Variants in TMEM132D observed in about 807,000 individuals in gnomAD.
TMEM132D encodes the protein mature OL transmembrane protein.
In TMEM132D, 21 loss-of-function variants were observed where a neutral mutation model predicts 62.3. The observed-to-expected ratio is 0.34, with a 90% CI of 0.24 to 0.49. The LOEUF is 0.49. Ranked by LOEUF, TMEM132D falls within the 20% of genes least tolerant of loss-of-function variation. TMEM132D has a pLI of 0.99. For missense variants in TMEM132D, 1,346 were observed against 1,402.8 expected, an observed-to-expected ratio of 0.96 and a Z score of 0.65; for synonymous variants, 621 against 575.6, an observed-to-expected ratio of 1.08 and a Z score of -1.13.
At chr12:129,163,584 G>A (rs1877459243) in intron 5 of TMEM132D, among the ~76,000 whole-genome samples, 1 of 152,180 alleles carries the variant, frequency 6.6e-6, no homozygotes, top group Admixed American at 6.5e-5. Flanking sequence ...GCAGTGGTGG[G>A]TGCCTCTAAT....
chr12:129,082,178 G>T, intron 6 of TMEM132D, 146 bp from the exon 7 acceptor site: 1 of 993,656 alleles, frequency 1.0e-6, no homozygotes, highest in Non-Finnish European at 1.4e-6. Context: ...GTGAACTTCA[G>T]ATACTAACCA....
At chr12:129,095,372 C>T (rs569264600) in intron 5 of TMEM132D, among the ~76,000 whole-genome samples, 9 of 90,246 alleles carry the variant, frequency 1.0e-4, no homozygotes, top group South Asian at 4.4e-4. Flanking sequence ...TTTTTTGAGA[C>T]GGAGTCTCAC....
At chr12:129,868,631 T>C (rs1202204858) in intron 1 of TMEM132D, among the ~76,000 whole-genome samples, 1 of 152,196 alleles carries the variant, frequency 6.6e-6, no homozygotes, top group Non-Finnish European at 1.5e-5. Flanking sequence ...CCTGTACCCC[T>C]GTAAGCAGGT....
intron 2 of TMEM132D, among the ~76,000 whole-genome samples, chr12:129,593,962 C>A (rs1878265333): frequency 6.6e-6 from 1 of 152,150 alleles, no homozygotes; most frequent in African/African-American, 2.4e-5. Flanking sequence ...TATTAGGCAA[C>A]CCCCTGTTAT....
At chr12:129,741,499 C>A (rs1199737135) in intron 1 of TMEM132D, among the ~76,000 whole-genome samples, 1 of 152,152 alleles carries the variant, frequency 6.6e-6, no homozygotes, top group Non-Finnish European at 1.5e-5. Context: ...ATAACAGGGT[C>A]TTGAGAGACT....
intron 4 of TMEM132D, among the ~76,000 whole-genome samples, chr12:129,239,596 T>C (rs12299785): frequency 3.3e-5 from 5 of 152,080 alleles, no homozygotes; most frequent in Admixed American, 1.3e-4. Flanking sequence ...CTGCTGCCCA[T>C]ATAAGAAGAG....
Position 129,719,123 on chromosome 12 carries a change from G to T in TMEM132D, c.80-18425C>A, listed in dbSNP as rs368113140. Among the ~76,000 whole-genome samples the T allele has an allele frequency of 3.3e-3, 498 of 150,854 alleles. 2 individuals carry two copies. The highest frequency in any genetic ancestry group is 0.012 in the African/African-American group (483 of 41,112). ...AAGAAAAAAAGCTGGGTGTAGTGGC[G>T]CATTCCTGTACCTGTAGTCCCAGCT... On this transcript the variant is annotated intron_variant, in intron 1 of 8. Transcript: ENST00000422113.
chr12:129,556,476 TC>T (rs1237605786), intron 2 of TMEM132D, among the ~76,000 whole-genome samples: 1 of 150,866 alleles, frequency 6.6e-6, no homozygotes, highest in African/African-American at 2.5e-5. Context: ...CTTTTTTTTT[TC>T]CCCCAGAGGT....
intron 1 of TMEM132D, among the ~76,000 whole-genome samples, chr12:129,722,394 A>G (rs1593135300): frequency 6.6e-6 from 1 of 152,166 alleles, no homozygotes; most frequent in African/African-American, 2.4e-5. Context: ...CCCCCGTCAC[A>G]TCGGTGTGAA....
At chr12:129,708,063 A>C (rs1881547765) in intron 1 of TMEM132D, among the ~76,000 whole-genome samples, 1 of 152,074 alleles carries the variant, frequency 6.6e-6, no homozygotes, top group African/African-American at 2.4e-5. Context: ...CTAAAAACAC[A>C]AAGATCAGCT....
intron 2 of TMEM132D, among the ~76,000 whole-genome samples, chr12:129,557,351 G>A (rs1877091304): frequency 1.3e-5 from 2 of 152,266 alleles, no homozygotes; most frequent in Middle Eastern, 6.8e-3. Context: ...TGACTGCCAG[G>A]GTGTGGGAAA....
chr12:129,539,405 C>CTTTTTTT (rs33913406), intron 2 of TMEM132D, among the ~76,000 whole-genome samples: 2 of 117,018 alleles, frequency 1.7e-5, no homozygotes, highest in Non-Finnish European at 3.4e-5. Flanking sequence ...CTAATTTTTT[C>CTTTTTTT]TTTTTTTTTT....
intron 4 of TMEM132D, among the ~76,000 whole-genome samples, chr12:129,275,545 C>A (rs1880980562): frequency 6.6e-6 from 1 of 152,178 alleles, no homozygotes; most frequent in African/African-American, 2.4e-5. Context: ...AACTTCATAT[C>A]CCCTGGAGCT....
intron 4 of TMEM132D, among the ~76,000 whole-genome samples, chr12:129,236,027 A>G (rs913308710): frequency 5.9e-5 from 9 of 151,970 alleles, no homozygotes; most frequent in Non-Finnish European, 1.3e-4. Flanking sequence ...TTTCTCTCAA[A>G]TATGTGTTAC....
At chr12:129,249,252 C>T (rs1280678465) in intron 4 of TMEM132D, among the ~76,000 whole-genome samples, 1 of 152,214 alleles carries the variant, frequency 6.6e-6, no homozygotes, top group Admixed American at 6.5e-5. Flanking sequence ...ATCATGTTTA[C>T]AATTGGCACT....
At chr12:129,513,781 G>A (rs181417253) in intron 3 of TMEM132D, among the ~76,000 whole-genome samples, 3,334 of 149,460 alleles carry the variant, frequency 0.022, 57 homozygotes, top group South Asian at 0.067. Flanking sequence ...CACCGCGCCC[G>A]GCCAATGGGG....
intron 3 of TMEM132D, among the ~76,000 whole-genome samples, chr12:129,348,738 A>G (rs550273969): frequency 6.6e-6 from 1 of 152,324 alleles, no homozygotes; most frequent in East Asian, 1.9e-4. Context: ...AATAAAGAAA[A>G]GAAAACTGGC....
At chr12:129,558,019 AAATGAGTGCTATCAGG>A (rs1877110219) in intron 2 of TMEM132D, among the ~76,000 whole-genome samples, 1 of 152,232 alleles carries the variant, frequency 6.6e-6, no homozygotes. Context: ...CATTTATCAG[AAATGAGTGCTATCAGG>A]AATGGGGTTA....
Position 129,903,477 on chromosome 12 carries a change from C to T in TMEM132D, c.-138G>A. 1.2e-5 allele frequency: 10 copies of T among 833,346 alleles called. No individual in the cohort carries two copies. Among genetic ancestry groups the T allele is most frequent in the Non-Finnish European group, 1.9e-5 (10 of 534,878 alleles). 51.6% of individuals were successfully genotyped at this position (833,346 alleles called of 1,614,324 possible). A position where few individuals can be genotyped will look rare whatever the true frequency, so the allele number is the denominator to read the frequency against. ...CTAGGGGCCCGAGCAGCCCGGGCGC[C>T]CTGCTCCCTCTTCCCGCCAGTCCAT... On this transcript the variant is annotated 5_prime_UTR_variant, in exon 1 of 9. Coordinates refer to ENST00000422113, the MANE Select transcript of TMEM132D (RefSeq NM_133448.3). This position sits in a 1 kb window ranked among gnomAD's most constrained non-coding sequence, Gnocchi z 6.2.
Sources: allele counts gnomAD v4.1 joint callset (sites outside exome capture counted in the v4.1 genomes callset), GRCh38; gene constraint gnomAD v4.1.1; non-coding constraint Gnocchi (gnomAD v3.1); transcripts MANE v1.5; gene names NCBI Gene and HGNC (gene_info 2026-07-23, HGNC 2026-07-21).